TFAP2D: variants seen among roughly 807,000 people sequenced by gnomAD.
TFAP2D encodes transcription factor AP-2 delta.
Under a neutral mutation model 43.6 loss-of-function variants are expected in TFAP2D, and 9 were observed. The ratio of observed to expected loss-of-function variants is 0.21; its 90% CI spans 0.12 to 0.36. The LOEUF (loss-of-function observed/expected upper bound fraction) is 0.36, where lower values mean the gene tolerates loss of function less well. TFAP2D is among the 10% of genes least tolerant of loss of function. The pLI is 1.00. For synonymous variants in TFAP2D, 256 were observed against 224.9 expected (o/e 1.14, Z -1.24); for missense variants, 513 against 561.4 (o/e 0.91, Z 0.87).
At chr6:50,715,673 C>T in intron 2 of TFAP2D, 60 bp downstream of exon 2, 2 of 1,519,902 alleles carry the variant, frequency 1.3e-6, no homozygotes, top group East Asian at 2.3e-5. Context: ...CCCCTGCCGC[C>T]CCATTAATGC....
intron 2 of TFAP2D, among the ~76,000 whole-genome samples, chr6:50,718,853 A>G (rs1008517903): frequency 3.9e-5 from 6 of 152,200 alleles, no homozygotes; most frequent in African/African-American, 1.2e-4. Flanking sequence ...TTGAAGTGTA[A>G]TATTGTATGG....
At chr6:50,744,190 CA>C (rs1769092997) in intron 5 of TFAP2D, among the ~76,000 whole-genome samples, 1 of 152,108 alleles carries the variant, frequency 6.6e-6, no homozygotes, top group Non-Finnish European at 1.5e-5. Flanking sequence ...TGATTCTCTC[CA>C]CCCTCCTACT....
intron 3 of TFAP2D, among the ~76,000 whole-genome samples, chr6:50,724,686 T>C (rs1274613389): frequency 6.6e-6 from 1 of 152,048 alleles, no homozygotes; most frequent in Non-Finnish European, 1.5e-5. Flanking sequence ...CCCAGTAGCC[T>C]GGGATGAGAA....
At chr6:50,744,075 G>A (rs1443718619) in intron 5 of TFAP2D, among the ~76,000 whole-genome samples, 2 of 152,122 alleles carry the variant, frequency 1.3e-5, no homozygotes, top group African/African-American at 4.8e-5. Context: ...AGGTTCAGGG[G>A]TGCATGTGCA....
chr6:50,768,577 T>C (rs1769478447), intron 7 of TFAP2D, among the ~76,000 whole-genome samples: 1 of 152,166 alleles, frequency 6.6e-6, no homozygotes, highest in Admixed American at 6.5e-5. Context: ...AATAGCATGA[T>C]GTTCCCAGAA....
rs2114042205 is a variant in TFAP2D at position 50,734,845 on chromosome 6, G to C, written c.883+5533G>C. Among the ~76,000 whole-genome samples, 2 of 152,174 alleles carry C rather than the reference G, an allele frequency of 1.3e-5. 1 individual carries two copies. Among genetic ancestry groups the C allele is most frequent in the South Asian group, 4.2e-4 (2 of 4,818 alleles). ...GCACCCATATCTACCCACAACATCT[G>C]ACCTATGTTTCTTTTGCAGGATTAA... On this transcript the variant is annotated intron_variant, in intron 5 of 7. Coordinates refer to ENST00000008391, the MANE Select transcript of TFAP2D (RefSeq NM_172238.4).
At chr6:50,756,015 C>T (rs981668014) in intron 7 of TFAP2D, among the ~76,000 whole-genome samples, 1 of 151,852 alleles carries the variant, frequency 6.6e-6, no homozygotes. Flanking sequence ...GCATGTGCCA[C>T]CATGCTTGGC....
chr6:50,755,006 T>C (rs2113888124), intron 7 of TFAP2D, among the ~76,000 whole-genome samples: 1 of 152,090 alleles, frequency 6.6e-6, no homozygotes, highest in East Asian at 1.9e-4. Flanking sequence ...CCTGTGCTTT[T>C]GGTGTCAAAT....
At chr6:50,767,943 A>G (rs559854178) in intron 7 of TFAP2D, among the ~76,000 whole-genome samples, 1 of 152,326 alleles carries the variant, frequency 6.6e-6, no homozygotes, top group African/African-American at 2.4e-5. Context: ...CCAGGGCCTC[A>G]TTGAGGATAG....
At chr6:50,723,588 T>A (rs571169554) in intron 3 of TFAP2D, among the ~76,000 whole-genome samples, 37 of 152,260 alleles carry the variant, frequency 2.4e-4, no homozygotes, top group Non-Finnish European at 4.4e-4. Flanking sequence ...GCCTCCTTAG[T>A]CCCCAGTGCA....
intron 5 of TFAP2D, among the ~76,000 whole-genome samples, chr6:50,729,537 A>G (rs529250736): frequency 1.3e-5 from 2 of 152,322 alleles, no homozygotes; most frequent in African/African-American, 4.8e-5. Flanking sequence ...AGTAATAGGA[A>G]ATAAGACAAT....
intron 7 of TFAP2D, among the ~76,000 whole-genome samples, chr6:50,770,095 G>T (rs1769503166): frequency 6.6e-6 from 1 of 152,112 alleles, no homozygotes. Flanking sequence ...TTGTGCCTGG[G>T]GTCAAATATC....
Position 50,714,103 on chromosome 6 carries a change from A to AATTT in TFAP2D, c.39+9_39+10insATTT. On this transcript the variant is annotated intron_variant, in intron 1 of 7. Transcript: ENST00000008391. ...TAGTCCACGATGCCGAGGTATTATT[A>AATTT]CTTTTTTTTTTTTTTTTTTTTGAGC... The AATTT allele has an allele frequency of 6.8e-7, 1 of 1,474,220 alleles. No individual in the cohort carries two copies. The highest frequency in any genetic ancestry group is 9.0e-7 in the Non-Finnish European group (1 of 1,112,520). The allele number at this position is 1,474,220 out of a possible 1,614,324, so 91.3% of individuals were successfully genotyped here.
rs1769126201 is a variant in TFAP2D, at chr6:50,746,429, A to AT, written c.1025+1186dup. Among the ~76,000 whole-genome samples the AT allele has an allele frequency of 3.9e-5, 6 of 151,968 alleles. No individual in the cohort carries two copies. The South Asian group carries it at 1.2e-3, about 32-fold the overall frequency. ...GTTTTTGTATTTTTTATAAAGATGC[A>AT]TTTTTGCCATGTTGCCCAGGCTGGT... On this transcript the variant is annotated intron_variant, in intron 6 of 7. Transcript: ENST00000008391.
chr6:50,742,448 C>A (rs1769058925), intron 5 of TFAP2D, among the ~76,000 whole-genome samples: 1 of 152,026 alleles, frequency 6.6e-6, no homozygotes, highest in South Asian at 2.1e-4. Flanking sequence ...GCACAAAATT[C>A]AAGAGGCGTG....
intron 1 of TFAP2D, among the ~76,000 whole-genome samples, 161 bp from the exon 2 acceptor site, chr6:50,714,955 G>A (rs1011573669): frequency 6.6e-6 from 1 of 152,122 alleles, no homozygotes; most frequent in Non-Finnish European, 1.5e-5. Context: ...AGGCTCTCTG[G>A]TGAAGACGCT....
intron 5 of TFAP2D, among the ~76,000 whole-genome samples, chr6:50,738,335 T>C (rs941469747): frequency 3.3e-5 from 5 of 152,042 alleles, no homozygotes; most frequent in African/African-American, 1.2e-4. Flanking sequence ...CTGTTATGGG[T>C]TTTTGTTTAT....
At chr6:50,749,829 T>C (rs1180936392) in intron 6 of TFAP2D, among the ~76,000 whole-genome samples, 1 of 151,902 alleles carries the variant, frequency 6.6e-6, no homozygotes, top group Non-Finnish European at 1.5e-5. Context: ...AGATGCTGTA[T>C]CTCAGAGATC....
intron 5 of TFAP2D, among the ~76,000 whole-genome samples, chr6:50,740,765 A>G (rs1356172999): frequency 7.2e-5 from 11 of 152,188 alleles, no homozygotes; most frequent in African/African-American, 2.7e-4. Context: ...TAATGACTGT[A>G]TAACAGATTG....
Sources: allele counts gnomAD v4.1 joint callset (sites outside exome capture counted in the v4.1 genomes callset), GRCh38; gene constraint gnomAD v4.1.1; transcripts MANE v1.5; gene names NCBI Gene and HGNC (gene_info 2026-07-23, HGNC 2026-07-21).